Variants in HS3ST4 observed in about 807,000 individuals in gnomAD.
HS3ST4 encodes the protein heparan sulfate-glucosamine 3-sulfotransferase 4.
A neutral mutation model predicts 29.2 loss-of-function variants in HS3ST4; 17 were observed. The ratio of observed to expected loss-of-function variants is 0.58; its 90% CI spans 0.40 to 0.87. The LOEUF is 0.87. Ranked by LOEUF, HS3ST4 falls within the 40% of genes least tolerant of loss-of-function variation. The pLI, the probability that HS3ST4 is intolerant of heterozygous loss-of-function variation, is 0.00. For synonymous variants in HS3ST4, 314 were observed against 285.7 expected, an observed-to-expected ratio of 1.10 and a Z score of -1.00; for missense variants, 627 against 634.5, an observed-to-expected ratio of 0.99 and a Z score of 0.13.
intron 1 of HS3ST4, among the ~76,000 whole-genome samples, chr16:26,035,422 A>G (rs1439251515): frequency 1.3e-5 from 2 of 152,218 alleles, no homozygotes; most frequent in African/African-American, 4.8e-5. Context: ...TAGATGTTTC[A>G]AAATATCCCA....
At chr16:26,010,162 G>A (rs1343491145) in intron 1 of HS3ST4, among the ~76,000 whole-genome samples, 1 of 152,166 alleles carries the variant, frequency 6.6e-6, no homozygotes, top group Admixed American at 6.5e-5. Flanking sequence ...GCATTAAAAT[G>A]TGAAAATGTG....
chr16:25,743,494 G>A (rs1307281426), intron 1 of HS3ST4, among the ~76,000 whole-genome samples: 1 of 152,072 alleles, frequency 6.6e-6, no homozygotes, highest in Admixed American at 6.6e-5. Context: ...CTTACTTTTT[G>A]TTTGATGGGT....
chr16:25,880,113 A>G (rs1349715630), intron 1 of HS3ST4, among the ~76,000 whole-genome samples: 3 of 152,224 alleles, frequency 2.0e-5, no homozygotes, highest in Admixed American at 2.0e-4. Context: ...TAGTACAATT[A>G]TTCAAACCCA....
At chr16:26,104,020 T>G (rs1450428829) in intron 1 of HS3ST4, among the ~76,000 whole-genome samples, 1 of 152,150 alleles carries the variant, frequency 6.6e-6, no homozygotes, top group Non-Finnish European at 1.5e-5. Context: ...CATAAAAATG[T>G]TTTTTTAAAA....
chr16:26,049,132 C>G (rs1898305437), intron 1 of HS3ST4, among the ~76,000 whole-genome samples: 1 of 151,838 alleles, frequency 6.6e-6, no homozygotes, highest in Admixed American at 6.6e-5. Context: ...TAATTATTAT[C>G]TTATTATTTC....
rs935198531 is a variant in HS3ST4, at chr16:25,693,268, G to T, written c.734+117G>T. The stretch of plus-strand genomic sequence containing the variant: ...ACCGTCCCGAGAGGCCCAAGCCCCC[G>T]CGAGGGCTCTGCAAACCCTGGCGGC... On this transcript the variant is annotated intron_variant, in intron 1 of 1. Coordinates refer to ENST00000331351, the MANE Select transcript of HS3ST4 (RefSeq NM_006040.3). The T allele has an allele frequency of 3.4e-5, 39 of 1,155,664 alleles. No individual in the cohort carries two copies. The East Asian group carries it at 1.1e-3, about 34-fold the overall frequency. 71.6% of individuals were successfully genotyped at this position (1,155,664 alleles called of 1,614,324 possible).
At chr16:26,054,557 A>T (rs980955903) in intron 1 of HS3ST4, among the ~76,000 whole-genome samples, 3 of 152,196 alleles carry the variant, frequency 2.0e-5, no homozygotes, top group Non-Finnish European at 4.4e-5. Context: ...TTTTGAGAAC[A>T]ATTGGTCCGA....
chr16:26,093,879 G>A (rs1472265619), intron 1 of HS3ST4, among the ~76,000 whole-genome samples: 1 of 152,180 alleles, frequency 6.6e-6, no homozygotes, highest in African/African-American at 2.4e-5. Flanking sequence ...AAGGTTAGAT[G>A]AATGGCTAAC....
intron 1 of HS3ST4, among the ~76,000 whole-genome samples, chr16:25,785,829 G>C (rs1210677681): frequency 6.6e-6 from 1 of 152,170 alleles, no homozygotes; most frequent in Non-Finnish European, 1.5e-5. Context: ...CGGGAGAGGG[G>C]TGGTAATGGG....
chr16:25,780,681 G>T (rs939621815), intron 1 of HS3ST4, among the ~76,000 whole-genome samples: 2 of 152,102 alleles, frequency 1.3e-5, no homozygotes, highest in African/African-American at 2.4e-5. Context: ...CTGTTGTGTT[G>T]GTAAATTGGG....
intron 1 of HS3ST4, among the ~76,000 whole-genome samples, chr16:26,126,970 G>A (rs1005060457): frequency 2.0e-5 from 3 of 152,076 alleles, no homozygotes; most frequent in Non-Finnish European, 2.9e-5. Flanking sequence ...AAAATTAGCC[G>A]GACCATGGGA....
chr16:26,097,669 A>T (rs1444581810), intron 1 of HS3ST4, among the ~76,000 whole-genome samples: 1 of 152,230 alleles, frequency 6.6e-6, no homozygotes, highest in Non-Finnish European at 1.5e-5. Flanking sequence ...GGACATAGAC[A>T]TGGGCAAGGA....
intron 1 of HS3ST4, among the ~76,000 whole-genome samples, chr16:25,830,188 C>CT (rs555802637): frequency 7.1e-4 from 108 of 152,250 alleles, no homozygotes; most frequent in African/African-American, 2.6e-3. Flanking sequence ...TAAACTGTTA[C>CT]TTTTTTATAG....
chr16:25,999,855 A>T (rs1343998870), intron 1 of HS3ST4, among the ~76,000 whole-genome samples: 5 of 124,826 alleles, frequency 4.0e-5, no homozygotes, highest in East Asian at 4.2e-4. Flanking sequence ...TATATATATT[A>T]TATATATATT....
intron 1 of HS3ST4, among the ~76,000 whole-genome samples, chr16:26,054,299 A>AGAGAGAGAG (rs397962355): frequency 0.011 from 1,540 of 141,144 alleles, 14 homozygotes; most frequent in Non-Finnish European, 0.018. Context: ...AGAGAGAGAG[A>AGAGAGAGAG]AGGAGGAGGA....
chr16:26,016,319 A>T (rs565382887), intron 1 of HS3ST4, among the ~76,000 whole-genome samples: 4 of 152,234 alleles, frequency 2.6e-5, no homozygotes, highest in Non-Finnish European at 4.4e-5. Flanking sequence ...AGAGTAACTC[A>T]TAGGTATAAA....
rs572009169 is a variant in HS3ST4, at chr16:26,029,700, T to G, written c.735-105912T>G. Among the ~76,000 whole-genome samples, 13 of 152,128 alleles carry G rather than the reference T, an allele frequency of 8.5e-5. 1 individual carries two copies. In the East Asian group the frequency reaches 2.5e-3, roughly 29 times the overall value. On this transcript the variant is annotated intron_variant, in intron 1 of 1. Coordinates refer to ENST00000331351, the MANE Select transcript of HS3ST4 (RefSeq NM_006040.3). ...TGCTGGGATTATAGGCGTGAGCCACTGCGCCTGGCAATTATGTAGTTCTTT... is the reference window on the plus strand; with the variant it reads ...TGCTGGGATTATAGGCGTGAGCCACGGCGCCTGGCAATTATGTAGTTCTTT...
intron 1 of HS3ST4, among the ~76,000 whole-genome samples, chr16:25,729,111 AAAAT>A (rs1274551212): frequency 6.6e-6 from 1 of 152,088 alleles, no homozygotes; most frequent in Non-Finnish European, 1.5e-5. Context: ...AAAGAGAAAA[AAAAT>A]AGTAATTTTG....
chr16:25,845,522 C>A (rs1967456845), intron 1 of HS3ST4, among the ~76,000 whole-genome samples: 1 of 151,950 alleles, frequency 6.6e-6, no homozygotes, highest in Middle Eastern at 3.4e-3. Context: ...ACAACAACAA[C>A]AAATGTAAGA....
Sources: gnomAD v4.1 joint callset for allele counts (sites outside exome capture counted in the v4.1 genomes callset) on GRCh38, gnomAD v4.1.1 for gene constraint, MANE v1.5 for transcripts, NCBI Gene and HGNC (gene_info 2026-07-23, HGNC 2026-07-21) for gene names.